The following ESRRG variants were observed in gnomAD, a reference collection of about 807,000 sequenced individuals.
ESRRG encodes the protein estrogen related receptor gamma, also known as estrogen-related receptor gamma.
In ESRRG, 13 loss-of-function variants were observed where a neutral mutation model predicts 44.0. The observed-to-expected ratio is 0.30, with a 90% CI of 0.19 to 0.47. The LOEUF is 0.47. ESRRG is among the 20% of genes least tolerant of loss of function. The pLI, the probability that ESRRG is intolerant of heterozygous loss-of-function variation, is 1.00. For missense variants in ESRRG, 395 were observed against 580.6 expected (o/e 0.68, Z 3.29); for synonymous variants, 215 against 214.6 (o/e 1.00, Z -0.02).
At chr1:216,844,844 T>C (rs2095715493) in intron 2 of ESRRG, among the ~76,000 whole-genome samples, 2 of 152,046 alleles carry the variant, frequency 1.3e-5, no homozygotes, top group Admixed American at 1.3e-4. Context: ...TCAAAAACAA[T>C]GACTGTACAA....
chr1:216,709,605 C>G (rs1396427933), intron 1 of ESRRG, among the ~76,000 whole-genome samples: 1 of 151,806 alleles, frequency 6.6e-6, no homozygotes, highest in African/African-American at 2.4e-5. Context: ...TGATTCAATG[C>G]AATGATCCAT....
intron 1 of ESRRG, among the ~76,000 whole-genome samples, chr1:217,037,813 G>A (rs2083169239): frequency 1.3e-5 from 2 of 152,062 alleles, no homozygotes; most frequent in African/African-American, 4.8e-5. Flanking sequence ...AGGGGTACAG[G>A]CATTGGGTAA....
intron 1 of ESRRG, among the ~76,000 whole-genome samples, chr1:217,042,299 G>T (rs1205459434): frequency 6.6e-6 from 1 of 152,014 alleles, no homozygotes; most frequent in Non-Finnish European, 1.5e-5. Flanking sequence ...TCCCACTAGG[G>T]TGGCATTTCA....
intron 2 of ESRRG, among the ~76,000 whole-genome samples, chr1:216,748,952 A>G (rs2152282084): frequency 6.6e-6 from 1 of 152,218 alleles, no homozygotes; most frequent in South Asian, 2.1e-4. Context: ...GGCAATCTTC[A>G]GTTGCCTACG....
intron 2 of ESRRG, among the ~76,000 whole-genome samples, chr1:216,743,456 T>G (rs1048031647): frequency 2.0e-5 from 3 of 152,212 alleles, no homozygotes; most frequent in Non-Finnish European, 2.9e-5. Flanking sequence ...TTAAAAAATA[T>G]AAAAGTATTC....
intron 1 of ESRRG, among the ~76,000 whole-genome samples, chr1:217,042,467 CACACAA>C: frequency 9.4e-6 from 1 of 106,220 alleles, no homozygotes; most frequent in South Asian, 3.1e-4. Flanking sequence ...CACACATACA[CACACAA>C]ACACACACAC....
At chr1:216,975,659 C>G (rs1420720321) in intron 1 of ESRRG, among the ~76,000 whole-genome samples, 1 of 152,208 alleles carries the variant, frequency 6.6e-6, no homozygotes, top group Non-Finnish European at 1.5e-5. Context: ...TAGTCTGCAT[C>G]TCTACTTTTA....
chr1:216,590,085 A>T (rs1295048910), intron 3 of ESRRG, among the ~76,000 whole-genome samples: 1 of 151,954 alleles, frequency 6.6e-6, no homozygotes, highest in Non-Finnish European at 1.5e-5. Context: ...ATTCTCCAAG[A>T]TGTTTCTTTT....
chr1:216,732,416 G>A (rs925730374), intron 2 of ESRRG, among the ~76,000 whole-genome samples: 8 of 148,344 alleles, frequency 5.4e-5, no homozygotes, highest in South Asian at 4.3e-4. Flanking sequence ...TTACTGTGTC[G>A]CCCAGGCTGG....
chr1:216,526,314 G>A (rs1195067884), intron 5 of ESRRG, among the ~76,000 whole-genome samples: 1 of 152,050 alleles, frequency 6.6e-6, no homozygotes, highest in South Asian at 2.1e-4. Context: ...ATTAAGATGA[G>A]GTCATTAAAG....
At chr1:216,984,673 A>G (rs1232797897) in intron 1 of ESRRG, among the ~76,000 whole-genome samples, 1 of 152,214 alleles carries the variant, frequency 6.6e-6, no homozygotes, top group Non-Finnish European at 1.5e-5. Flanking sequence ...AAATGTTTCT[A>G]GGCTACATGC....
chr1:216,884,384 G>A (rs575093564), intron 2 of ESRRG, among the ~76,000 whole-genome samples: 50 of 152,302 alleles, frequency 3.3e-4, no homozygotes, highest in Middle Eastern at 3.4e-3. Flanking sequence ...AACATTTACT[G>A]AGAGCCTACT....
In ESRRG at chr1:216,667,489, C is replaced by A. The variant is rs182951794; in HGVS notation, c.472+9587G>T. Among the ~76,000 whole-genome samples, 6 of 151,850 alleles carry A rather than the reference C, an allele frequency of 4.0e-5. No homozygotes were observed. In the East Asian group the frequency reaches 1.2e-3, roughly 30 times the overall value. ...TCACCTGAGGTCAGCAGTGTGAGAC[C>A]AGCTTGGCAAACATGGTGAAACCCT... On this transcript the variant is annotated intron_variant, in intron 2 of 6. Transcript: ENST00000408911.
At chr1:216,679,179 G>T (rs936323777) in intron 1 of ESRRG, among the ~76,000 whole-genome samples, 1 of 152,192 alleles carries the variant, frequency 6.6e-6, no homozygotes, top group Non-Finnish European at 1.5e-5. Context: ...CACTTGTGTT[G>T]TCCTTTCCTC....
intron 2 of ESRRG, among the ~76,000 whole-genome samples, chr1:216,856,657 A>G (rs1381548748): frequency 6.6e-6 from 1 of 152,248 alleles, no homozygotes; most frequent in Non-Finnish European, 1.5e-5. Flanking sequence ...ATTTTTAAGC[A>G]CTGCAATTAT....
Position 216,809,679 on chromosome 1 carries a change from A to T in ESRRG, c.-14+129903T>A, listed in dbSNP as rs1041789528. Among the ~76,000 whole-genome samples the T allele has an allele frequency of 3.9e-5, 6 of 152,138 alleles. No homozygotes were observed. In the East Asian group the frequency reaches 1.2e-3, roughly 29 times the overall value. On this transcript the variant is annotated intron_variant, in intron 2 of 7. Transcript: ENST00000359162. ...TGAACATGTGCAGAAAACAATACTC[A>T]ACGGAAAGCAACGTCTTCACCAGCC...
intron 1 of ESRRG, among the ~76,000 whole-genome samples, chr1:217,121,591 G>A (rs879563969): frequency 6.6e-6 from 1 of 152,138 alleles, no homozygotes. Context: ...AGATGAAAAT[G>A]ACTGGAGATA....
chr1:216,979,075 T>G (rs566751878), intron 1 of ESRRG, among the ~76,000 whole-genome samples: 2 of 152,146 alleles, frequency 1.3e-5, no homozygotes, highest in Non-Finnish European at 2.9e-5. Flanking sequence ...TGCCTTTTTA[T>G]TTGGAAGTTA....
chr1:216,770,932 T>G (rs2093354207), intron 2 of ESRRG, among the ~76,000 whole-genome samples: 1 of 152,098 alleles, frequency 6.6e-6, no homozygotes. Context: ...ACTCATTCAC[T>G]AATTCATCAA....
Sources: allele counts gnomAD v4.1 joint callset (sites outside exome capture counted in the v4.1 genomes callset), GRCh38; gene constraint gnomAD v4.1.1; transcripts MANE v1.5; gene names NCBI Gene and HGNC (gene_info 2026-07-23, HGNC 2026-07-21).